Variants in GATA6 observed in about 807,000 individuals in gnomAD.
GATA6 encodes the protein GATA binding protein 6.
GATA6 carries 11 observed loss-of-function variants against 48.1 expected under a neutral mutation model. The observed-to-expected ratio is 0.23, with a 90% confidence interval of 0.14 to 0.38. The LOEUF is 0.38. GATA6 is among the 10% of genes least tolerant of loss of function. The pLI is 1.00. For synonymous variants in GATA6, 419 were observed against 396.1 expected (o/e 1.06, Z -0.69); for missense variants, 795 against 850.3 (o/e 0.93, Z 0.81).
In GATA6 at chr18:22,171,666, CGCG is replaced by C; in HGVS notation, c.528_530del (p.Ala183del). 1 of 1,519,910 alleles carries C rather than the reference CGCG, an allele frequency of 6.6e-7. No homozygotes were observed. The allele number at this position is 1,519,910 out of a possible 1,614,324, so 94.2% of individuals were successfully genotyped here. A position where few individuals can be genotyped will look rare whatever the true frequency, so the allele number is the denominator to read the frequency against. On this transcript the variant is annotated inframe_deletion, in exon 2 of 7. Transcript: ENST00000269216. This position sits in a 1 kb window ranked among gnomAD's most constrained non-coding sequence, Gnocchi z 7.1. ...CCGGCGGCTTCGTGCACTCTGCGGCCGCGGCGGCAGCAGCCGCGGCGGCGGCCA... is the reference window on the plus strand; with the variant it reads ...CCGGCGGCTTCGTGCACTCTGCGGCCGCGGCAGCAGCCGCGGCGGCGGCCA...
chr18:22,200,779 T>G lies in GATA6; in HGVS notation c.1744T>G (p.Ser582Ala), dbSNP rs757577827. Residue 582 changes from serine (S) to alanine (A), a missense_variant, in exon 7 of 7, where the codon TCC becomes GCC. By Grantham distance (99) the Ser-to-Ala change is moderately conservative. Coordinates refer to ENST00000269216, the MANE Select transcript of GATA6 (RefSeq NM_005257.6). The part of the protein sequence containing the change: ...VSLASPAEVT[S>A]SVRPDSWCAL... ...TCTCGCCTCGCCGGCCGAAGTCACG[T>G]CCTCCGTGCGACCGGATTCCTGGTG... is the stretch of plus-strand genomic sequence containing the variant. The G allele has an allele frequency of 1.9e-6, 3 of 1,613,426 alleles. No homozygotes were observed. In the South Asian group the frequency reaches 3.3e-5, roughly 18 times the overall value.
chr18:22,175,318 A>G (rs1361482722), intron 2 of GATA6: 1 of 152,146 alleles, frequency 6.6e-6, no homozygotes, highest in Admixed American at 6.5e-5. Flanking sequence ...CAGATGACTA[A>G]ATAGTTCTAC....
In GATA6 at chr18:22,172,372, A is replaced by C; in HGVS notation, c.1135+93A>C. On this transcript the variant is annotated intron_variant, in intron 2 of 6. Transcript: ENST00000269216. This position sits in a 1 kb window ranked among gnomAD's most constrained non-coding sequence, Gnocchi z 5.2. ...GCTGCTCCACTCGGGCCCTGTTTTC[A>C]GGACTTTCTCGTCCGGGTGCGCGGA... 1 of 1,474,314 alleles carries C rather than the reference A, an allele frequency of 6.8e-7. No homozygotes were observed. The highest frequency in any genetic ancestry group is 9.0e-7 in the Non-Finnish European group (1 of 1,112,844). The allele number at this position is 1,474,314 out of a possible 1,614,324, so 91.3% of individuals were successfully genotyped here.
In GATA6 at chr18:22,181,539, C is replaced by T. The variant is rs758967085; in HGVS notation, c.1389C>T (p.Pro463=). 16 of 1,614,022 alleles carry T rather than the reference C, an allele frequency of 9.9e-6. No homozygotes were observed. The highest frequency in any genetic ancestry group is 5.0e-5 in the Admixed American group (3 of 59,994). Residue 463 remains proline (P), a synonymous_variant, in exon 4 of 7, where the codon CCC becomes CCT. Coordinates refer to ENST00000269216, the MANE Select transcript of GATA6 (RefSeq NM_005257.6). ...TLWRRNAEGE[P]VCNACGLYMK... is the part of the protein sequence containing the mutation. ...GGCGCAGAAACGCCGAGGGTGAACCCGTGTGCAATGCTTGTGGACTCTACA... is the reference window on the plus strand; with the variant it reads ...GGCGCAGAAACGCCGAGGGTGAACCTGTGTGCAATGCTTGTGGACTCTACA...
Position 22,182,988 on chromosome 18 carries a change from A to T in GATA6, c.1565A>T (p.Asn522Ile), listed in dbSNP as rs769383865. The T allele has an allele frequency of 6.2e-7, 1 of 1,614,112 alleles. No homozygotes were observed. The highest frequency in any genetic ancestry group is 1.1e-5 in the South Asian group (1 of 91,088). The change falls in exon 6 of 7, where the codon AAC becomes ATC. Residue 522 changes from asparagine to isoleucine, a missense_variant. Around this residue, in one of 5 missense-constraint regions of GATA6, gnomAD observed 103 missense variants for 103.7 expected, o/e 0.99. Transcript: ENST00000269216. The part of the protein sequence containing the change: ...IPMTPTSTSS[N>I]SDDCSKNTSP... Reference sequence around the variant, plus strand: ...ATGACTCCAACTTCCACCTCTTCTAACTCAGATGATTGCAGCAAAAATACT... The same window carrying T: ...ATGACTCCAACTTCCACCTCTTCTATCTCAGATGATTGCAGCAAAAATACT...
At position 22,177,116 on chromosome 18, in the gene GATA6, C is replaced by G; in HGVS notation, c.1297C>G (p.Arg433Gly). ...LSRPLIKPQK[R>G]VPSSRRLGLS... Reference sequence around the variant, plus strand: ...CCGGCCCCTCATCAAGCCGCAGAAGCGCGTGGTGAGTGTGACCCGCCCTGC... The same window carrying G: ...CCGGCCCCTCATCAAGCCGCAGAAGGGCGTGGTGAGTGTGACCCGCCCTGC... Residue 433 changes from arginine to glycine, a missense_variant, in exon 3 of 7, where the codon CGC (arginine) becomes GGC (glycine). Physicochemically the swap from Arg to Gly is moderately radical, Grantham distance 125 (BLOSUM62 -2). Coordinates refer to ENST00000269216, the MANE Select transcript of GATA6 (RefSeq NM_005257.6). 1 of 1,548,730 alleles carries G rather than the reference C, an allele frequency of 6.5e-7. No individual in the cohort carries two copies. Among genetic ancestry groups the G allele is most frequent in the Non-Finnish European group, 8.7e-7 (1 of 1,147,790 alleles).
chr18:22,187,836 G>T (rs1423239338), intron 6 of GATA6, among the ~76,000 whole-genome samples: 1 of 151,302 alleles, frequency 6.6e-6, no homozygotes, highest in African/African-American at 2.4e-5. Context: ...TCTGAAAATG[G>T]CAGCTACAGA....
intron 3 of GATA6, among the ~76,000 whole-genome samples, chr18:22,179,916 A>G (rs887144188): frequency 1.3e-5 from 2 of 152,262 alleles, no homozygotes; most frequent in Non-Finnish European, 2.9e-5. Flanking sequence ...GATGTAAACC[A>G]TAAATGCAGA....
chr18:22,178,716 A>G (rs1211747263), intron 3 of GATA6, among the ~76,000 whole-genome samples: 1 of 152,220 alleles, frequency 6.6e-6, no homozygotes, highest in East Asian at 1.9e-4. Flanking sequence ...CCCACAGCTT[A>G]AAATTTTCTT....
At chr18:22,182,646 C>A in intron 4 of GATA6, 111 bp from the exon 5 acceptor site, 1 of 777,892 alleles carries the variant, frequency 1.3e-6, no homozygotes, top group Non-Finnish European at 2.2e-6. Flanking sequence ...GCGTGAGCCA[C>A]TGCACTCGGC....
rs373693154 is a variant in GATA6, at chr18:22,170,593, C to T, written c.-37-515C>T. ...GGTTTCGTTTTCGGGGACAGGTTGC[C>T]TTCCTTACGCGAAGGGTTTTCCCGT... is the stretch of plus-strand genomic sequence containing the variant. On this transcript the variant is annotated intron_variant, in intron 1 of 6. Transcript: ENST00000269216. The surrounding 1 kb of genome is among the most constrained non-coding windows in gnomAD (Gnocchi z 6.7). Among the ~76,000 whole-genome samples, 2 of 152,248 alleles carry T rather than the reference C, an allele frequency of 1.3e-5. No individual in the cohort carries two copies. Among genetic ancestry groups the T allele is most frequent in the African/African-American group, 4.8e-5 (2 of 41,472 alleles).
chr18:22,172,358 C>G lies in GATA6; in HGVS notation c.1135+79C>G, dbSNP rs945674609. The G allele has an allele frequency of 2.7e-6, 4 of 1,491,478 alleles. No individual in the cohort carries two copies. In the African/African-American group the frequency reaches 4.2e-5, roughly 16 times the overall value. 92.4% of individuals were successfully genotyped at this position (1,491,478 alleles called of 1,614,324 possible). ...GGGGACGTGGAGCAGCTGCTCCACT[C>G]GGGCCCTGTTTTCAGGACTTTCTCG... On this transcript the variant is annotated intron_variant, in intron 2 of 6. Coordinates refer to ENST00000269216, the MANE Select transcript of GATA6 (RefSeq NM_005257.6). This position sits in a 1 kb window ranked among gnomAD's most constrained non-coding sequence, Gnocchi z 5.2.
chr18:22,193,522 G>C (rs2033352152), intron 6 of GATA6, among the ~76,000 whole-genome samples: 1 of 152,170 alleles, frequency 6.6e-6, no homozygotes, highest in Non-Finnish European at 1.5e-5. Flanking sequence ...GAAGAGCTTT[G>C]GCAGTGAGGG....
chr18:22,192,320 TA>T (rs2033336736), intron 6 of GATA6, among the ~76,000 whole-genome samples: 1 of 152,200 alleles, frequency 6.6e-6, no homozygotes, highest in South Asian at 2.1e-4. Flanking sequence ...TTAAGAAGAA[TA>T]GCACTACTTA....
chr18:22,201,022 G>A lies in GATA6; in HGVS notation c.*199G>A. 1 of 713,586 alleles carries A rather than the reference G, an allele frequency of 1.4e-6. No individual in the cohort carries two copies. The highest frequency in any genetic ancestry group is 2.3e-6 in the Non-Finnish European group (1 of 441,066). The allele number at this position is 713,586 out of a possible 1,614,324, so 44.2% of individuals were successfully genotyped here. On this transcript the variant is annotated 3_prime_UTR_variant, in exon 7 of 7. Transcript: ENST00000269216. ...GGAAGGGAAGGGCCAGTGCAACTGG[G>A]CGCTTGGGCCACTCCAGCCAGCCCG...
At chr18:22,181,654 G>T in intron 4 of GATA6, 76 bp downstream of exon 4, 1 of 1,539,238 alleles carries the variant, frequency 6.5e-7, no homozygotes, top group South Asian at 1.1e-5. Context: ...CAAAGAATCA[G>T]CAAATGAAAG....
chr18:22,195,742 A>G (rs1186450713), intron 6 of GATA6, among the ~76,000 whole-genome samples: 1 of 152,136 alleles, frequency 6.6e-6, no homozygotes, highest in Non-Finnish European at 1.5e-5. Flanking sequence ...TTAACATGGT[A>G]TTACAGGATT....
At chr18:22,196,435 G>A (rs1216911056) in intron 6 of GATA6, among the ~76,000 whole-genome samples, 5 of 152,150 alleles carry the variant, frequency 3.3e-5, no homozygotes, top group Admixed American at 2.6e-4. Flanking sequence ...TTTAATGTGG[G>A]TTGTTGAAAA....
At position 22,171,431 on chromosome 18, in the gene GATA6, C is replaced by A; in HGVS notation, c.287C>A (p.Ala96Glu). Reference sequence around the variant, plus strand: ...TTCGGGGCTCCCCACGGACCTTCGGCGCCTGGGGTCGCGGGCCCCGGGGGC... The same window carrying A: ...TTCGGGGCTCCCCACGGACCTTCGGAGCCTGGGGTCGCGGGCCCCGGGGGC... ...HPFGAPHGPSAPGVAGPGGNL... is the reference protein window; with the variant it reads ...HPFGAPHGPSEPGVAGPGGNL... Residue 96 changes from alanine to glutamate, a missense_variant, in exon 2 of 7, where the codon GCG becomes GAG. Around this residue, in one of 5 missense-constraint regions of GATA6, gnomAD observed 591 missense variants for 570.0 expected, o/e 1.04. Transcript: ENST00000269216. This position sits in a 1 kb window ranked among gnomAD's most constrained non-coding sequence, Gnocchi z 7.1. 1 of 1,591,230 alleles carries A rather than the reference C, an allele frequency of 6.3e-7. No individual in the cohort carries two copies.
Sources: gnomAD v4.1 joint callset for allele counts (sites outside exome capture counted in the v4.1 genomes callset) on GRCh38, gnomAD v4.1.1 for gene constraint, gnomAD v4.1.1 regional missense constraint, Gnocchi (gnomAD v3.1) non-coding constraint, MANE v1.5 for transcripts, NCBI Gene and HGNC (gene_info 2026-07-23, HGNC 2026-07-21) for gene names.